DLG2: variants seen among roughly 807,000 people sequenced by gnomAD.
DLG2 encodes the protein disks large homolog 2.
In DLG2, 45 loss-of-function variants were observed where a neutral mutation model predicts 132.5. The ratio of observed to expected loss-of-function variants is 0.34; its 90% CI spans 0.27 to 0.44. The LOEUF (loss-of-function observed/expected upper bound fraction) is 0.44. Ranked by LOEUF, DLG2 falls within the 20% of genes least tolerant of loss-of-function variation. The probability of loss-of-function intolerance (pLI) is 1.00; values close to 1 mark genes in which losing one functional copy is unlikely to be tolerated. For missense variants in DLG2, 1,045 were observed against 1,196.9 expected (o/e 0.87, Z 1.87); for synonymous variants, 424 against 419.6 (o/e 1.01, Z -0.13).
At chr11:84,167,004 C>T (rs747017544) in intron 8 of DLG2, 1 of 533,170 alleles carries the variant, frequency 1.9e-6, no homozygotes, top group Non-Finnish European at 3.8e-6. Flanking sequence ...GAGAGCTTCA[C>T]AGTTGGGGTT....
At chr11:85,119,140 TTAAAC>T (rs1435089333) in intron 5 of DLG2, among the ~76,000 whole-genome samples, 3 of 151,958 alleles carry the variant, frequency 2.0e-5, no homozygotes, top group Non-Finnish European at 2.9e-5. Context: ...GTCAAGAACT[TTAAAC>T]TTAAGTTTTG....
At chr11:84,176,480 A>G (rs2095972206) in intron 8 of DLG2, among the ~76,000 whole-genome samples, 1 of 151,540 alleles carries the variant, frequency 6.6e-6, no homozygotes, top group East Asian at 1.9e-4. Context: ...ATATTCATAC[A>G]GAAGACCTGA....
chr11:84,789,071 A>C (rs1399050945), intron 6 of DLG2, among the ~76,000 whole-genome samples: 2 of 152,178 alleles, frequency 1.3e-5, no homozygotes, highest in African/African-American at 2.4e-5. Context: ...CAAAAGAAAT[A>C]ATCTTGGCAC....
chr11:85,395,283 T>C (rs1389732247), intron 3 of DLG2, among the ~76,000 whole-genome samples: 3 of 152,190 alleles, frequency 2.0e-5, no homozygotes, highest in Non-Finnish European at 1.5e-5. Context: ...AAGAAGCAGT[T>C]GCTTCCAGGG....
intron 12 of DLG2, among the ~76,000 whole-genome samples, chr11:83,971,611 G>A (rs1319021436): frequency 6.6e-6 from 1 of 152,124 alleles, no homozygotes; most frequent in Non-Finnish European, 1.5e-5. Context: ...GATGAACTGG[G>A]AGGTGATTAC....
chr11:84,970,069 T>A (rs1374339768), intron 6 of DLG2, among the ~76,000 whole-genome samples: 2 of 152,030 alleles, frequency 1.3e-5, no homozygotes, highest in Non-Finnish European at 2.9e-5. Context: ...CTAATGTAGA[T>A]GATAGCTTGA....
At chr11:85,436,044 A>G (rs191272056) in intron 3 of DLG2, among the ~76,000 whole-genome samples, 94 of 152,320 alleles carry the variant, frequency 6.2e-4, no homozygotes, top group African/African-American at 2.2e-3. Context: ...CAAACCTAAA[A>G]AAAACAAAAA....
At chr11:83,784,366 C>T (rs192135048) in intron 18 of DLG2, among the ~76,000 whole-genome samples, 3 of 152,176 alleles carry the variant, frequency 2.0e-5, no homozygotes, top group Non-Finnish European at 2.9e-5. Flanking sequence ...CTCAGTTACA[C>T]GTAAAGTTTG....
chr11:84,085,409 G>C (rs1295208437), intron 10 of DLG2, among the ~76,000 whole-genome samples: 1 of 152,122 alleles, frequency 6.6e-6, no homozygotes, highest in Non-Finnish European at 1.5e-5. Flanking sequence ...ACCACTTAAA[G>C]CTGCAATCAG....
chr11:83,551,846 T>G (rs2096398326), intron 19 of DLG2, among the ~76,000 whole-genome samples: 1 of 152,196 alleles, frequency 6.6e-6, no homozygotes, highest in Non-Finnish European at 1.5e-5. Context: ...TGATATTATT[T>G]TCATAGTCTC....
intron 7 of DLG2, among the ~76,000 whole-genome samples, chr11:84,266,819 G>A (rs567631339): frequency 5.9e-5 from 9 of 152,258 alleles, no homozygotes; most frequent in South Asian, 2.1e-4. Context: ...CCTCATTATC[G>A]TTTCATTGTT....
intron 8 of DLG2, among the ~76,000 whole-genome samples, chr11:84,192,779 T>G (rs2096438957): frequency 6.6e-6 from 1 of 152,018 alleles, no homozygotes; most frequent in South Asian, 2.1e-4. Flanking sequence ...TAAGGAAATT[T>G]AAATCAAATG....
intron 4 of DLG2, among the ~76,000 whole-genome samples, chr11:85,237,863 G>C (rs1315042639): frequency 3.3e-5 from 5 of 152,084 alleles, no homozygotes; most frequent in African/African-American, 1.2e-4. Context: ...ACAACCAAAA[G>C]ACTGGCAGTT....
At chr11:84,123,884 A>G (rs1418931750) in intron 9 of DLG2, among the ~76,000 whole-genome samples, 2 of 152,216 alleles carry the variant, frequency 1.3e-5, no homozygotes, top group African/African-American at 4.8e-5. Context: ...TTTCATTAGT[A>G]TAAAAATGTG....
chr11:85,046,811 T>C (rs191948097), intron 6 of DLG2, among the ~76,000 whole-genome samples: 6 of 151,962 alleles, frequency 3.9e-5, no homozygotes, highest in Admixed American at 6.6e-5. Flanking sequence ...CTTTGAATCC[T>C]AACTCTTTCT....
chr11:84,101,808 G>A (rs1406505928), intron 9 of DLG2, among the ~76,000 whole-genome samples: 1 of 152,138 alleles, frequency 6.6e-6, no homozygotes, highest in East Asian at 1.9e-4. Flanking sequence ...AGTAGGGAAG[G>A]AGGCAAGCAG....
chr11:84,925,357 A>G (rs946411891), intron 6 of DLG2, among the ~76,000 whole-genome samples: 1 of 152,154 alleles, frequency 6.6e-6, no homozygotes, highest in Non-Finnish European at 1.5e-5. Context: ...GGCTTTAGAT[A>G]CCATTTTAAT....
chr11:84,389,012 G>T (rs2098782400), intron 7 of DLG2, among the ~76,000 whole-genome samples: 4 of 151,976 alleles, frequency 2.6e-5, no homozygotes, highest in Admixed American at 6.6e-5. Flanking sequence ...CATATAGACT[G>T]GGTTGTTGCT....
At chr11:85,283,918 T>C (rs2078395452) in intron 4 of DLG2, among the ~76,000 whole-genome samples, 1 of 150,724 alleles carries the variant, frequency 6.6e-6, no homozygotes, top group South Asian at 2.1e-4. Context: ...CTTATACACA[T>C]GCACATCCAT....
Sources: allele counts gnomAD v4.1 joint callset (sites outside exome capture counted in the v4.1 genomes callset), GRCh38; gene constraint gnomAD v4.1.1; transcripts MANE v1.5; gene names NCBI Gene and HGNC (gene_info 2026-07-23, HGNC 2026-07-21).